The following PTPRN2 variants were observed in gnomAD, a reference collection of about 807,000 sequenced individuals.
PTPRN2 encodes the protein receptor-type tyrosine-protein phosphatase N2.
A neutral mutation model predicts 118.8 loss-of-function variants in PTPRN2; 74 were observed. The observed-to-expected ratio is 0.62, with a 90% confidence interval of 0.52 to 0.76. The LOEUF (loss-of-function observed/expected upper bound fraction) is 0.76. PTPRN2 is among the 30% of genes least tolerant of loss of function. PTPRN2 has a pLI of 0.00. For missense variants in PTPRN2, 1,481 were observed against 1,394.4 expected (o/e 1.06, Z -0.99); for synonymous variants, 641 against 608.0 (o/e 1.05, Z -0.80).
intron 2 of PTPRN2, among the ~76,000 whole-genome samples, chr7:158,383,242 A>T (rs1811099118): frequency 6.6e-6 from 1 of 152,186 alleles, no homozygotes. Context: ...TTATTTTTGT[A>T]ACTCATTCAA....
intron 1 of PTPRN2, among the ~76,000 whole-genome samples, chr7:158,549,637 C>T (rs772896976): frequency 7.2e-5 from 11 of 152,248 alleles, no homozygotes; most frequent in Non-Finnish European, 1.5e-4. Context: ...AGCCAGGGCT[C>T]GCTCCAAACG....
intron 6 of PTPRN2, among the ~76,000 whole-genome samples, chr7:158,165,530 G>A (rs977807843): frequency 6.6e-6 from 1 of 152,238 alleles, no homozygotes; most frequent in African/African-American, 2.4e-5. Context: ...TGCCATAACG[G>A]CTGCATGAAC....
intron 13 of PTPRN2, among the ~76,000 whole-genome samples, chr7:157,675,651 G>A (rs1366424365): frequency 1.3e-5 from 2 of 152,202 alleles, no homozygotes; most frequent in Non-Finnish European, 2.9e-5. Flanking sequence ...CCCTGGAAAC[G>A]GGAGGAGCAG....
At chr7:157,789,263 T>C (rs1470130310) in intron 12 of PTPRN2, among the ~76,000 whole-genome samples, 2 of 152,156 alleles carry the variant, frequency 1.3e-5, no homozygotes, top group African/African-American at 4.8e-5. Flanking sequence ...CCTTGTACTC[T>C]CCGCTCCCTC....
intron 1 of PTPRN2, among the ~76,000 whole-genome samples, chr7:158,521,214 T>A (rs1427859597): frequency 1.3e-5 from 2 of 152,208 alleles, no homozygotes; most frequent in Admixed American, 1.3e-4. Flanking sequence ...AATCCTCTGT[T>A]GGTCGACTCA....
rs76118451 is a variant in PTPRN2 at position 158,526,642 on chromosome 7, T to G, written c.113-36857A>C. Among the ~76,000 whole-genome samples the G allele has an allele frequency of 1.6e-3, 248 of 152,234 alleles. 8 individuals carry two copies. In the East Asian group the frequency reaches 0.031, roughly 19 times the overall value. ...TGGGACTGTATTTGGAGATGGGTCT[T>G]GAAAGAGGTGATTTCAGTAAAACGA... On this transcript the variant is annotated intron_variant, in intron 1 of 22. Transcript: ENST00000389418. This position sits in a 1 kb window ranked among gnomAD's most constrained non-coding sequence, Gnocchi z 5.2.
At chr7:158,575,323 A>C (rs11977078) in intron 1 of PTPRN2, among the ~76,000 whole-genome samples, 3,343 of 152,306 alleles carry the variant, frequency 0.022, 114 homozygotes, top group African/African-American at 0.072. Context: ...GTTATATATT[A>C]TTTAAAAGTA....
intron 2 of PTPRN2, among the ~76,000 whole-genome samples, chr7:158,345,747 G>GT (rs1563184467): frequency 6.6e-6 from 1 of 152,192 alleles, no homozygotes; most frequent in African/African-American, 2.4e-5. Flanking sequence ...CCAAGACTAA[G>GT]TAATTTTTGA....
intron 8 of PTPRN2, among the ~76,000 whole-genome samples, chr7:158,136,443 G>C (rs1326025281): frequency 1.3e-5 from 2 of 152,120 alleles, no homozygotes; most frequent in African/African-American, 4.8e-5. Context: ...GATAAATTAG[G>C]TTATAATTTG....
chr7:158,098,840 G>C (rs983911046), intron 10 of PTPRN2, among the ~76,000 whole-genome samples: 10 of 152,006 alleles, frequency 6.6e-5, no homozygotes, highest in East Asian at 1.9e-4. Context: ...AGTGGGGGAC[G>C]GGGAACGGGG....
Position 158,587,607 on chromosome 7 carries a change from A to G in PTPRN2, c.63T>C (p.Pro21=). The G allele has an allele frequency of 7.4e-7, 1 of 1,358,248 alleles. No homozygotes were observed. 84.1% of individuals were successfully genotyped at this position (1,358,248 alleles called of 1,614,324 possible). The change falls in exon 1 of 23, where the codon CCT becomes CCC. Residue 21 remains proline (P), a synonymous_variant. Coordinates refer to ENST00000389418, the MANE Select transcript of PTPRN2 (RefSeq NM_002847.5). Reference sequence around the variant, plus strand: ...CGCGGGGGACGGACGAAGGGGCGGCAGGCAGGACGCGTGGCGGCAGCAGCA... The same window carrying G: ...CGCGGGGGACGGACGAAGGGGCGGCGGGCAGGACGCGTGGCGGCAGCAGCA... ...LLLLLPPRVL[P]AAPSSVPRGR...
chr7:157,560,444 T>C lies in PTPRN2; in HGVS notation c.2902+8458A>G, dbSNP rs533975638. Among the ~76,000 whole-genome samples, 26 of 152,274 alleles carry C rather than the reference T, an allele frequency of 1.7e-4. No individual in the cohort carries two copies. Among genetic ancestry groups the C allele is most frequent in the African/African-American group, 5.1e-4 (21 of 41,542 alleles). On this transcript the variant is annotated intron_variant, in intron 21 of 22. Transcript: ENST00000389418. This position sits in a 1 kb window ranked among gnomAD's most constrained non-coding sequence, Gnocchi z 6.7. Reference sequence around the variant, plus strand: ...TCGACACCAGGGTCCGCCTGTGCCCTGCCTGGGTGGGGTCAGCCACGCCCC... The same window carrying C: ...TCGACACCAGGGTCCGCCTGTGCCCCGCCTGGGTGGGGTCAGCCACGCCCC...
At chr7:157,601,362 A>C (rs986470680) in intron 16 of PTPRN2, among the ~76,000 whole-genome samples, 31 of 152,162 alleles carry the variant, frequency 2.0e-4, no homozygotes, top group East Asian at 9.6e-4. Context: ...TGCTGCTAGG[A>C]AGGTAATTAT....
At position 157,892,641 on chromosome 7, in the gene PTPRN2, T is replaced by G. The variant is rs535516948; in HGVS notation, c.1788+6032A>C. Among the ~76,000 whole-genome samples, 146 of 152,332 alleles carry G rather than the reference T, an allele frequency of 9.6e-4. 3 individuals are homozygous for G. Among genetic ancestry groups the G allele is most frequent in the African/African-American group, 3.4e-3 (143 of 41,586 alleles). On this transcript the variant is annotated intron_variant, in intron 12 of 22. Coordinates refer to ENST00000389418, the MANE Select transcript of PTPRN2 (RefSeq NM_002847.5). ...TCCAGAGTCAGGGATTAGAAGAATT[T>G]TAAATACATTAAAAATCAGAATCGT...
chr7:158,405,726 G>A (rs1334597057), intron 2 of PTPRN2, among the ~76,000 whole-genome samples: 3 of 152,222 alleles, frequency 2.0e-5, no homozygotes, highest in African/African-American at 4.8e-5. Context: ...TGGAAAACTC[G>A]GAAAACCTTC....
intron 2 of PTPRN2, among the ~76,000 whole-genome samples, chr7:158,428,343 G>A (rs1815906072): frequency 6.6e-6 from 1 of 152,164 alleles, no homozygotes; most frequent in Non-Finnish European, 1.5e-5. Flanking sequence ...AGAAGACGAG[G>A]GCGGCAGCAA....
chr7:158,513,867 T>G (rs543338218), intron 1 of PTPRN2, among the ~76,000 whole-genome samples: 1 of 152,226 alleles, frequency 6.6e-6, no homozygotes, highest in South Asian at 2.1e-4. Context: ...TCAAGGAACA[T>G]GTTAACATCT....
chr7:158,100,680 G>T (rs962168327), intron 10 of PTPRN2, among the ~76,000 whole-genome samples: 2 of 152,098 alleles, frequency 1.3e-5, no homozygotes, highest in Non-Finnish European at 2.9e-5. Context: ...TCATATGTTT[G>T]TTGGCCATTT....
chr7:158,322,658 C>A (rs1295307072), intron 2 of PTPRN2, among the ~76,000 whole-genome samples: 1 of 152,262 alleles, frequency 6.6e-6, no homozygotes, highest in Non-Finnish European at 1.5e-5. Context: ...GGGGACAAGG[C>A]CTTGCAGTTC....
Sources: gnomAD v4.1 joint callset for allele counts (sites outside exome capture counted in the v4.1 genomes callset) on GRCh38, gnomAD v4.1.1 for gene constraint, Gnocchi (gnomAD v3.1) non-coding constraint, MANE v1.5 for transcripts, NCBI Gene and HGNC (gene_info 2026-07-23, HGNC 2026-07-21) for gene names.